HEATR6: variants seen among roughly 807,000 people sequenced by gnomAD.
HEATR6 encodes HEAT repeat-containing protein 6.
HEATR6 carries 106 observed loss-of-function variants against 132.8 expected under a neutral mutation model. The observed-to-expected ratio is 0.80, with a 90% confidence interval of 0.68 to 0.94. The LOEUF (loss-of-function observed/expected upper bound fraction) is 0.94. Ranked by LOEUF, HEATR6 falls within the 40% of genes least tolerant of loss-of-function variation. The probability of loss-of-function intolerance (pLI) is 0.00; values close to 1 mark genes in which losing one functional copy is unlikely to be tolerated. For synonymous variants in HEATR6, 529 were observed against 537.8 expected, an observed-to-expected ratio of 0.98 and a Z score of 0.23; for missense variants, 1,339 against 1,425.1, an observed-to-expected ratio of 0.94 and a Z score of 0.97.
Position 60,046,009 on chromosome 17 carries a change from A to G in HEATR6, c.2974+16T>C. 6.3e-7 allele frequency: 1 copy of G among 1,592,070 alleles called. No individual in the cohort carries two copies. Among genetic ancestry groups the G allele is most frequent in the South Asian group, 1.1e-5 (1 of 90,558 alleles). On this transcript the variant is annotated intron_variant, in intron 19 of 19. Coordinates refer to ENST00000184956, the MANE Select transcript of HEATR6 (RefSeq NM_022070.5). ...CAAGAGGCTTTCCACCAGGGAGTGA[A>G]GGGAAACTTTCTTACCTAAAGGAAG...
intron 7 of HEATR6, 115 bp downstream of exon 7, chr17:60,069,596 T>C: frequency 1.0e-6 from 1 of 972,820 alleles, no homozygotes; most frequent in Non-Finnish European, 1.5e-6. Flanking sequence ...AACCCTAAAC[T>C]GAAATAAAAT....
rs2083300824 is a variant in HEATR6 at position 60,077,053 on chromosome 17, A to G, written c.220-816T>C. ...CACCTACTATGTGTCATAGTGTGCT[A>G]GGTCTTTGGGCTCCAAAGGTAAAAC... On this transcript the variant is annotated intron_variant, in intron 1 of 19. Transcript: ENST00000184956. 2.6e-5 allele frequency among the ~76,000 whole-genome samples: 4 copies of G among 152,170 alleles called. No homozygotes were observed. The South Asian group carries it at 8.3e-4, about 32-fold the overall frequency.
chr17:60,072,257 C>T lies in HEATR6; in HGVS notation c.657G>A (p.Gln219=). Residue 219 remains glutamine (Q), a synonymous_variant, in exon 5 of 20, where the codon CAG becomes CAA. Transcript: ENST00000184956. ...CATCCATATCAGATGATTTTGGAGA[C>T]TGTAAAATAGTCAGAAAAGCTTGGA... ...VCFQAFLTIL[Q]SPKSSDMDDI... is the part of the protein sequence containing the mutation. The T allele has an allele frequency of 6.2e-7, 1 of 1,609,182 alleles. No homozygotes were observed. The highest frequency in any genetic ancestry group is 8.5e-7 in the Non-Finnish European group (1 of 1,176,812).
chr17:60,061,598 C>T (rs1374770745), intron 9 of HEATR6, among the ~76,000 whole-genome samples: 2 of 152,230 alleles, frequency 1.3e-5, no homozygotes, highest in Non-Finnish European at 2.9e-5. Flanking sequence ...GTAGCATAGA[C>T]ATGTAAAGGA....
chr17:60,078,259 G>C (rs2083306288), intron 1 of HEATR6, among the ~76,000 whole-genome samples: 1 of 152,186 alleles, frequency 6.6e-6, no homozygotes. Context: ...TTTGTATACT[G>C]TATTTTTACG....
intron 5 of HEATR6, 35 bp downstream of exon 5, chr17:60,072,180 C>T (rs202231616): frequency 4.3e-6 from 5 of 1,150,590 alleles, no homozygotes; most frequent in South Asian, 2.9e-5. Flanking sequence ...TAGACACATC[C>T]GCAACATTCA....
chr17:60,066,136 A>G (rs1213728069), intron 9 of HEATR6, 73 bp downstream of exon 9: 8 of 1,262,996 alleles, frequency 6.3e-6, no homozygotes, highest in Non-Finnish European at 9.2e-6. Flanking sequence ...CAGACAGGAT[A>G]AGGCAGAGAT....
chr17:60,066,373 T>C lies in HEATR6; in HGVS notation c.1252A>G (p.Lys418Glu). The part of the protein sequence containing the change: ...MQSKMRSYQA[K>E]VRQGALVCFL... ...CAAACTAAGGCTCCTTGGCGAACTT[T>C]AGCTTGGTAAGACCTTTCATAACCA... The change falls in exon 9 of 20, where the codon AAA (lysine) becomes GAA (glutamate). Residue 418 changes from lysine (K) to glutamate (E), a missense_variant. Physicochemically the swap from Lys to Glu is moderately conservative, Grantham distance 56. Coordinates refer to ENST00000184956, the MANE Select transcript of HEATR6 (RefSeq NM_022070.5). 6.2e-7 allele frequency: 1 copy of C among 1,609,798 alleles called. No homozygotes were observed. The highest frequency in any genetic ancestry group is 8.5e-7 in the Non-Finnish European group (1 of 1,178,698).
chr17:60,058,465 T>C (rs1359047367), intron 11 of HEATR6, among the ~76,000 whole-genome samples: 1 of 152,180 alleles, frequency 6.6e-6, no homozygotes, highest in East Asian at 1.9e-4. Flanking sequence ...TAATGAAAAG[T>C]TGGTACAGTG....
chr17:60,067,611 T>C lies in HEATR6; in HGVS notation c.1061A>G (p.His354Arg), dbSNP rs2083248727. 1 of 1,612,776 alleles carries C rather than the reference T, an allele frequency of 6.2e-7. No homozygotes were observed. Among genetic ancestry groups the C allele is most frequent in the African/African-American group, 1.3e-5 (1 of 74,870 alleles). ...GGAGGGACACCAAGTGTTCCCTTCATGCAGGTTCACTCTGCCTGTGCCAGT... is the reference window on the plus strand; with the variant it reads ...GGAGGGACACCAAGTGTTCCCTTCACGCAGGTTCACTCTGCCTGTGCCAGT... ...PVTGTGRVNL[H>R]EGNTWCPSSL... is the part of the protein sequence containing the mutation. Residue 354 changes from histidine (H) to arginine (R), a missense_variant, in exon 8 of 20, where the codon CAT becomes CGT. Coordinates refer to ENST00000184956, the MANE Select transcript of HEATR6 (RefSeq NM_022070.5).
At chr17:60,055,735 C>G in intron 13 of HEATR6, 134 bp from the exon 14 acceptor site, 2 of 573,826 alleles carry the variant, frequency 3.5e-6, no homozygotes, top group Non-Finnish European at 6.1e-6. Flanking sequence ...TCGAGTGACA[C>G]CTTCACTCTA....
At chr17:60,074,220 A>T (rs1020463172) in intron 2 of HEATR6, 13 of 662,154 alleles carry the variant, frequency 2.0e-5, no homozygotes, top group Non-Finnish European at 1.9e-5. Flanking sequence ...TGCCTTATAC[A>T]TAATAAACAC....
intron 2 of HEATR6, chr17:60,075,513 T>G (rs916076757): frequency 2.2e-4 from 34 of 152,168 alleles, no homozygotes; most frequent in African/African-American, 7.7e-4. Context: ...ACTGGGGTCT[T>G]TTTATCCTGC....
At chr17:60,078,660 G>T (rs980543243) in intron 1 of HEATR6, 36 bp downstream of exon 1, 1 of 1,496,442 alleles carries the variant, frequency 6.7e-7, no homozygotes, top group Admixed American at 2.0e-5. Flanking sequence ...CGGAGGGGTG[G>T]GGCCGGGGCC....
At position 60,057,392 on chromosome 17, in the gene HEATR6, G is replaced by C. The variant is rs745378964; in HGVS notation, c.1735C>G (p.Arg579Gly). Residue 579 changes from arginine to glycine, a missense_variant, in exon 12 of 20, where the codon CGT (arginine) becomes GGT (glycine). Coordinates refer to ENST00000184956, the MANE Select transcript of HEATR6 (RefSeq NM_022070.5). The part of the protein sequence containing the change: ...PYIRHKDVNV[R>G]VSSLTLLGAI... ...CCCAAGAGTGTGAGACTTGACACAC[G>C]AACATTAACATCTGTCAAAGGAAGC... 2.5e-6 allele frequency: 4 copies of C among 1,589,642 alleles called. No individual in the cohort carries two copies. In the African/African-American group the frequency reaches 5.4e-5, roughly 21 times the overall value.
intron 2 of HEATR6, among the ~76,000 whole-genome samples, chr17:60,074,877 A>G (rs1259974138): frequency 6.6e-6 from 1 of 152,202 alleles, no homozygotes; most frequent in East Asian, 1.9e-4. Flanking sequence ...CAAAATATCA[A>G]TAGTGCTGAG....
intron 7 of HEATR6, 24 bp from the exon 8 acceptor site, chr17:60,067,756 C>T (rs765769609): frequency 1.3e-6 from 2 of 1,577,800 alleles, no homozygotes; most frequent in Non-Finnish European, 1.7e-6. Context: ...CAAATGAAGA[C>T]ATATATAATA....
chr17:60,055,709 C>A (rs573540168), intron 13 of HEATR6, 108 bp from the exon 14 acceptor site: 12 of 639,116 alleles, frequency 1.9e-5, no homozygotes, highest in Non-Finnish European at 3.0e-5. Flanking sequence ...CACCTCCACT[C>A]GAGTAACACC....
At chr17:60,052,014 T>C (rs1473063280) in intron 14 of HEATR6, among the ~76,000 whole-genome samples, 1 of 152,216 alleles carries the variant, frequency 6.6e-6, no homozygotes, top group East Asian at 1.9e-4. Context: ...AGCTAGGTCA[T>C]AAAAAGCACC....
Sources: allele counts gnomAD v4.1 joint callset (sites outside exome capture counted in the v4.1 genomes callset), GRCh38; gene constraint gnomAD v4.1.1; transcripts MANE v1.5; gene names NCBI Gene and HGNC (gene_info 2026-07-23, HGNC 2026-07-21).